The following FAM53A variants were observed in gnomAD, a reference collection of about 807,000 sequenced individuals.
FAM53A encodes family with sequence similarity 53 member A, also known as protein FAM53A.
FAM53A carries 28 observed loss-of-function variants against 26.6 expected under a neutral mutation model. The observed-to-expected ratio is 1.05, with a 90% CI of 0.78 to 1.45. FAM53A has a LOEUF of 1.45. Among genes scored for constraint, FAM53A ranks in the 40% most tolerant of loss-of-function variants. The pLI is 0.00. For missense variants in FAM53A, 650 were observed against 575.8 expected (o/e 1.13, Z -1.32); for synonymous variants, 290 against 253.1 (o/e 1.15, Z -1.38).
the FAM53A span, among the ~76,000 whole-genome samples, chr4:1,607,597 C>T: frequency 1.3e-5 from 2 of 152,048 alleles, no homozygotes; most frequent in South Asian, 4.2e-4. Context: ...CCACTGATGT[C>T]CCCTAATCCA....
intron 1 of FAM53A, among the ~76,000 whole-genome samples, chr4:1,676,496 C>G (rs1416217951): frequency 6.6e-6 from 1 of 152,158 alleles, no homozygotes; most frequent in African/African-American, 2.4e-5. Flanking sequence ...CCTCACTCAA[C>G]CCCTAAAACA....
At position 1,655,641 on chromosome 4, in the gene FAM53A, C is replaced by A; in HGVS notation, c.219G>T (p.Pro73=). The change falls in exon 4 of 5, where the codon CCG becomes CCT. Residue 73 remains proline (P), a synonymous_variant. Coordinates refer to ENST00000308132, the MANE Select transcript of FAM53A (RefSeq NM_001174070.3). ...AATGPDFSFL[P]GLSAAAHTMG... ...TGGTGTGAGCGGCAGCAGACAGGCC[C>A]GGCAGGAAGGAGAAATCAGGGCCCG... The A allele has an allele frequency of 6.3e-7, 1 of 1,595,156 alleles. No homozygotes were observed.
chr4:1,678,256 C>A (rs1162137469), intron 1 of FAM53A, among the ~76,000 whole-genome samples: 1 of 152,114 alleles, frequency 6.6e-6, no homozygotes, highest in Non-Finnish European at 1.5e-5. Flanking sequence ...GGTGGGAGCA[C>A]TGCTTCAGCC....
intron 2 of FAM53A, among the ~76,000 whole-genome samples, chr4:1,664,706 G>A (rs890408658): frequency 1.3e-5 from 2 of 152,158 alleles, no homozygotes; most frequent in African/African-American, 2.4e-5. Flanking sequence ...GGCCAGGCAC[G>A]GTGGCTCAGG....
At chr4:1,663,237 A>G (rs6599396) in intron 2 of FAM53A, among the ~76,000 whole-genome samples, 131,986 of 152,218 alleles carry the variant, frequency 0.87, 59,960 homozygotes, top group Non-Finnish European at 1. Flanking sequence ...ACATTGCTGC[A>G]GAACGGAACA....
chr4:1,624,304 G>C (rs955085487), intron 1 of FAM53A, among the ~76,000 whole-genome samples: 7 of 152,290 alleles, frequency 4.6e-5, no homozygotes, highest in African/African-American at 1.4e-4. Context: ...GCTCACCAGG[G>C]ATGCCCCCAG....
chr4:1,635,237 C>T (rs1560123417), downstream of FAM53A, among the ~76,000 whole-genome samples: 1 of 152,178 alleles, frequency 6.6e-6, no homozygotes, highest in Non-Finnish European at 1.5e-5. Flanking sequence ...TGGGTCTTCT[C>T]CGCTGTGGCT....
chr4:1,597,983 G>A, the FAM53A span, among the ~76,000 whole-genome samples: 6 of 152,200 alleles, frequency 3.9e-5, no homozygotes, highest in African/African-American at 1.2e-4. Flanking sequence ...GCAACAGAGC[G>A]AGGCTCCAAA....
rs1713649196 is a variant in FAM53A at position 1,659,254 on chromosome 4, G to C, written c.76-1786C>G. 6.6e-6 allele frequency among the ~76,000 whole-genome samples: 1 copy of C among 152,176 alleles called. No homozygotes were observed. Among genetic ancestry groups the C allele is most frequent in the African/African-American group, 2.4e-5 (1 of 41,446 alleles). On this transcript the variant is annotated intron_variant, in intron 2 of 4. Transcript: ENST00000308132. The surrounding 1 kb of genome is among the most constrained non-coding windows in gnomAD (Gnocchi z 5.2). ...CCCGGGACCCGGGTCCGATGGAAGA[G>C]AGGAGAGGCAGCTCTGCTAAAGGAC...
chr4:1,643,263 A>G (rs543282682), intron 4 of FAM53A, among the ~76,000 whole-genome samples: 2,917 of 152,134 alleles, frequency 0.019, 32 homozygotes, highest in Middle Eastern at 0.058. Context: ...TCAGGAGATC[A>G]AGACCATCCT....
intron 4 of FAM53A, among the ~76,000 whole-genome samples, chr4:1,647,820 G>T (rs1447854185): frequency 6.6e-6 from 1 of 152,216 alleles, no homozygotes; most frequent in Non-Finnish European, 1.5e-5. Context: ...CCAGAGTCAG[G>T]ACTAATTGTC....
intron 2 of FAM53A, among the ~76,000 whole-genome samples, chr4:1,661,273 A>G (rs999246519): frequency 1.3e-5 from 2 of 152,036 alleles, no homozygotes; most frequent in South Asian, 4.1e-4. Flanking sequence ...GACTCCCCAG[A>G]TGTCCATATG....
chr4:1,617,584 T>C (rs1181845353), downstream of FAM53A, among the ~76,000 whole-genome samples: 1 of 152,224 alleles, frequency 6.6e-6, no homozygotes, highest in Non-Finnish European at 1.5e-5. Context: ...AAACCTATTA[T>C]GTTCACTCAT....
At chr4:1,611,873 C>T in the FAM53A span, among the ~76,000 whole-genome samples, 2 of 152,224 alleles carry the variant, frequency 1.3e-5, no homozygotes, top group African/African-American at 2.4e-5. Context: ...AGCAGCTACC[C>T]GAGAGCTAAA....
At chr4:1,600,200 T>C in the FAM53A span, among the ~76,000 whole-genome samples, 11 of 152,224 alleles carry the variant, frequency 7.2e-5, no homozygotes, top group East Asian at 1.9e-3. Context: ...AGCTGAGGGC[T>C]GGGGCAGGAG....
At chr4:1,629,660 G>A (rs963791607) in intron 1 of FAM53A, among the ~76,000 whole-genome samples, 2 of 152,210 alleles carry the variant, frequency 1.3e-5, no homozygotes, top group Non-Finnish European at 2.9e-5. Flanking sequence ...TCAGTGAAGA[G>A]TACAAGGGGG....
chr4:1,596,428 C>T, the FAM53A span, among the ~76,000 whole-genome samples: 1 of 144,782 alleles, frequency 6.9e-6, no homozygotes, highest in African/African-American at 2.6e-5. Context: ...AAGGTACCCT[C>T]TTGCCAAGCT....
At chr4:1,637,896 G>A (rs191883716), downstream of FAM53A, among the ~76,000 whole-genome samples, 418 of 152,090 alleles carry the variant, frequency 2.7e-3, 1 homozygote, top group African/African-American at 9.7e-3. Flanking sequence ...GCTGCACTGT[G>A]CCTCAGGCCC....
rs865846555 is a variant in FAM53A, at chr4:1,630,092, C to T, written c.432-11981G>A. 1.8e-4 allele frequency among the ~76,000 whole-genome samples: 27 copies of T among 152,236 alleles called. No individual in the cohort carries two copies. The highest frequency in any genetic ancestry group is 3.9e-4 in the Admixed American group (6 of 15,292). On this transcript the variant is annotated intron_variant, in intron 1 of 1. Coordinates refer to the FAM53A transcript ENST00000489029. This position sits in a 1 kb window ranked among gnomAD's most constrained non-coding sequence, Gnocchi z 4.3. ...GTGAGACCCCGCTGGACACCTCACC[C>T]GGCTGCCTGCCTGCCAGGTGTGGTG... is the stretch of plus-strand genomic sequence containing the variant.
Sources: allele counts gnomAD v4.1 joint callset (sites outside exome capture counted in the v4.1 genomes callset), GRCh38; gene constraint gnomAD v4.1.1; non-coding constraint Gnocchi (gnomAD v3.1); transcripts MANE v1.5; gene names NCBI Gene and HGNC (gene_info 2026-07-23, HGNC 2026-07-21).